RYR2: variants seen among roughly 807,000 people sequenced by gnomAD.
RYR2 encodes cardiac muscle ryanodine receptor-calcium release channel.
Under a neutral mutation model 601.1 loss-of-function variants are expected in RYR2, and 227 were observed. That is an observed-to-expected ratio of 0.38 (90% CI 0.34 to 0.42). The LOEUF is 0.42. Among genes scored for constraint, RYR2 ranks in the 10% least tolerant of loss-of-function variants. RYR2 has a pLI of 1.00. For missense variants in RYR2, 4,646 were observed against 6,156.5 expected, an observed-to-expected ratio of 0.75 and a Z score of 8.21; for synonymous variants, 2,223 against 2,175.1, an observed-to-expected ratio of 1.02 and a Z score of -0.61.
chr1:237,701,421 C>A (rs113805667), intron 65 of RYR2, among the ~76,000 whole-genome samples: 2 of 152,004 alleles, frequency 1.3e-5, no homozygotes, highest in Non-Finnish European at 2.9e-5. Context: ...ATCCCAGCTA[C>A]TCGGGAGGCT....
At chr1:237,777,455 G>C (rs945975585) in intron 87 of RYR2, among the ~76,000 whole-genome samples, 2 of 152,174 alleles carry the variant, frequency 1.3e-5, no homozygotes, top group Admixed American at 1.3e-4. Context: ...TATGTGGCCT[G>C]CAATTTAAAG....
At chr1:237,082,524 C>CATATAG (rs1665828515) in intron 1 of RYR2, among the ~76,000 whole-genome samples, 1 of 79,958 alleles carries the variant, frequency 1.3e-5, no homozygotes, top group Non-Finnish European at 2.8e-5. Context: ...AATAGGAAAA[C>CATATAG]ATATATATAT....
Position 237,687,363 on chromosome 1 carries a change from C to CTTCTTTTTTTTTTTTTTTTTTTTTTTTTT in RYR2, c.9018-71_9018-70insTTTTTTTTTTCTTTTTTTTTTTTTTTTTT. On this transcript the variant is annotated intron_variant, in intron 62 of 104. Transcript: ENST00000366574. The stretch of plus-strand genomic sequence containing the variant: ...CAGCTGTTTTTTTTTCTTTTTTCTT[C>CTTCTTTTTTTTTTTTTTTTTTTTTTTTTT]TTCTTTTTTTTTTTTTTTTTTAATT... 4 of 452,442 alleles carry CTTCTTTTTTTTTTTTTTTTTTTTTTTTTT rather than the reference C, an allele frequency of 8.8e-6. 1 individual carries two copies. Among genetic ancestry groups the CTTCTTTTTTTTTTTTTTTTTTTTTTTTTT allele is most frequent in the South Asian group, 5.9e-5 (2 of 34,134 alleles). 28.0% of individuals were successfully genotyped at this position (452,442 alleles called of 1,614,324 possible).
At chr1:237,196,943 T>C (rs1680640448) in intron 1 of RYR2, among the ~76,000 whole-genome samples, 1 of 152,208 alleles carries the variant, frequency 6.6e-6, no homozygotes, top group Non-Finnish European at 1.5e-5. Context: ...TTAAAGTAAC[T>C]GATAAAGTTT....
chr1:237,729,107 G>A (rs1380215451), intron 76 of RYR2, among the ~76,000 whole-genome samples: 1 of 151,852 alleles, frequency 6.6e-6, no homozygotes, highest in Non-Finnish European at 1.5e-5. Context: ...CTTGTTCCTT[G>A]CCTCATATCA....
chr1:237,326,263 A>G (rs1696164831), intron 2 of RYR2, among the ~76,000 whole-genome samples: 1 of 151,894 alleles, frequency 6.6e-6, no homozygotes, highest in South Asian at 2.1e-4. Flanking sequence ...GATGGTGACC[A>G]GTTTGTATTT....
At chr1:237,372,042 TTAAAG>T (rs1700685445) in intron 6 of RYR2, among the ~76,000 whole-genome samples, 1 of 151,970 alleles carries the variant, frequency 6.6e-6, no homozygotes, top group South Asian at 2.1e-4. Context: ...ACCCTAGAAC[TTAAAG>T]TATAATAAAA....
At chr1:237,141,993 G>C (rs1393296776) in intron 1 of RYR2, among the ~76,000 whole-genome samples, 1 of 152,210 alleles carries the variant, frequency 6.6e-6, no homozygotes, top group Admixed American at 6.5e-5. Flanking sequence ...ACACTTGTGG[G>C]ATTTGCAAAC....
At chr1:237,531,640 C>G (rs536820057) in intron 25 of RYR2, among the ~76,000 whole-genome samples, 4 of 152,156 alleles carry the variant, frequency 2.6e-5, no homozygotes, top group Non-Finnish European at 5.9e-5. Context: ...TTAAGCAAGT[C>G]TCTAGTTCAA....
chr1:237,689,121 AG>A (rs1358448451), intron 63 of RYR2, among the ~76,000 whole-genome samples: 3 of 152,142 alleles, frequency 2.0e-5, no homozygotes, highest in Non-Finnish European at 1.5e-5. Flanking sequence ...ATAAAAAATT[AG>A]CCAGGTGCAG....
intron 71 of RYR2, among the ~76,000 whole-genome samples, chr1:237,715,548 T>A (rs1689201622): frequency 6.6e-6 from 1 of 152,178 alleles, no homozygotes; most frequent in Non-Finnish European, 1.5e-5. Context: ...TTGATTATTT[T>A]TATTATAAGC....
chr1:237,342,477 T>C, intron 3 of RYR2, among the ~76,000 whole-genome samples: 1 of 152,082 alleles, frequency 6.6e-6, no homozygotes, highest in East Asian at 1.9e-4. Flanking sequence ...TAGTGATTGT[T>C]GCAGTCACAC....
At chr1:237,711,986 T>A in intron 71 of RYR2, 149 bp downstream of exon 71, 1 of 602,356 alleles carries the variant, frequency 1.7e-6, no homozygotes. Flanking sequence ...GCAAGCTGTT[T>A]TAAGGTTACT....
At chr1:237,114,698 G>A (rs1436423287) in intron 1 of RYR2, among the ~76,000 whole-genome samples, 1 of 152,182 alleles carries the variant, frequency 6.6e-6, no homozygotes, top group African/African-American at 2.4e-5. Flanking sequence ...CTGTAGCCTA[G>A]AGGCTAAAAA....
At chr1:237,570,289 A>G (rs1461946459) in intron 29 of RYR2, among the ~76,000 whole-genome samples, 2 of 151,298 alleles carry the variant, frequency 1.3e-5, no homozygotes, top group African/African-American at 2.4e-5. Context: ...TGCACTCCCA[A>G]TTTGGTGGCC....
At chr1:237,143,314 G>A (rs1174215619) in intron 1 of RYR2, among the ~76,000 whole-genome samples, 1 of 152,168 alleles carries the variant, frequency 6.6e-6, no homozygotes, top group Non-Finnish European at 1.5e-5. Flanking sequence ...GGTCCCGCCT[G>A]TATCTCTGAT....
rs397516507 is a variant in RYR2, at chr1:237,773,658, TA to T, written c.11775+13del. The T allele has an allele frequency of 2.5e-6, 4 of 1,609,420 alleles. No homozygotes were observed. The South Asian group carries it at 4.4e-5, about 18-fold the overall frequency. ...TACAGAGTATATTCAGGTAAACATT[TA>T]AACATGGCTGCTATCTGTAGCACTG... On this transcript the variant is annotated intron_variant, in intron 87 of 104. Coordinates refer to ENST00000366574, the MANE Select transcript of RYR2 (RefSeq NM_001035.3).
intron 1 of RYR2, among the ~76,000 whole-genome samples, chr1:237,248,073 C>A (rs774478079): frequency 3.4e-4 from 52 of 152,050 alleles, no homozygotes; most frequent in Non-Finnish European, 6.2e-4. Context: ...GAAGTTTGAG[C>A]CCAGCCTGGG....
At chr1:237,822,988 C>G (rs2102868942) in intron 101 of RYR2, among the ~76,000 whole-genome samples, 1 of 152,260 alleles carries the variant, frequency 6.6e-6, no homozygotes, top group Middle Eastern at 3.4e-3. Context: ...AGCTAACTAT[C>G]CTAAATATAT....
Sources: gnomAD v4.1 joint callset for allele counts (sites outside exome capture counted in the v4.1 genomes callset) on GRCh38, gnomAD v4.1.1 for gene constraint, MANE v1.5 for transcripts, NCBI Gene and HGNC (gene_info 2026-07-23, HGNC 2026-07-21) for gene names.